ATF2: variants seen among roughly 807,000 people sequenced by gnomAD.
ATF2 encodes the protein activating transcription factor 2, also known as cyclic AMP-dependent transcription factor ATF-2.
Under a neutral mutation model 60.6 loss-of-function variants are expected in ATF2, and 24 were observed. The observed-to-expected ratio is 0.40, with a 90% CI of 0.29 to 0.56. ATF2 has a LOEUF of 0.56. Ranked by LOEUF, ATF2 falls within the 20% of genes least tolerant of loss-of-function variation. ATF2 has a pLI of 0.54. For missense variants in ATF2, 433 were observed against 607.7 expected (o/e 0.71, Z 3.02); for synonymous variants, 206 against 215.4 (o/e 0.96, Z 0.38).
In ATF2 at chr2:175,114,479, T is replaced by C. The variant is rs1696411135; in HGVS notation, c.626+211A>G. 9 of 1,268,430 alleles carry C rather than the reference T, an allele frequency of 7.1e-6. No homozygotes were observed. In the South Asian group the frequency reaches 2.4e-4, roughly 34 times the overall value. 78.6% of individuals were successfully genotyped at this position (1,268,430 alleles called of 1,614,324 possible). On this transcript the variant is annotated intron_variant, in intron 8 of 13. Coordinates refer to ENST00000264110, the MANE Select transcript of ATF2 (RefSeq NM_001880.4). ...AAATAAGACTATCTTAAATTCACAT[T>C]CTATATTTGTTTTTAGTTGTATTTA... is the stretch of plus-strand genomic sequence containing the variant.
chr2:175,122,442 G>A (rs1697028725), intron 4 of ATF2, among the ~76,000 whole-genome samples: 1 of 151,926 alleles, frequency 6.6e-6, no homozygotes, highest in African/African-American at 2.4e-5. Context: ...TACAAGTGAG[G>A]ATGTTAAAAT....
intron 2 of ATF2, among the ~76,000 whole-genome samples, chr2:175,143,685 T>C (rs1213708565): frequency 6.6e-6 from 1 of 152,030 alleles, no homozygotes; most frequent in Non-Finnish European, 1.5e-5. Context: ...GTCATATTAG[T>C]AAAAAAAACT....
At chr2:175,105,668 G>A (rs1269361133) in intron 10 of ATF2, among the ~76,000 whole-genome samples, 1 of 152,152 alleles carries the variant, frequency 6.6e-6, no homozygotes, top group Non-Finnish European at 1.5e-5. Flanking sequence ...GACATTTTAA[G>A]TTACCAGTTC....
At chr2:175,076,934 C>T (rs1031734220) in intron 13 of ATF2, among the ~76,000 whole-genome samples, 7 of 149,230 alleles carry the variant, frequency 4.7e-5, no homozygotes, top group African/African-American at 1.7e-4. Flanking sequence ...TCTCCCAATG[C>T]TATCCCTCCC....
chr2:175,100,653 C>T (rs549714694), intron 10 of ATF2, among the ~76,000 whole-genome samples: 1 of 152,232 alleles, frequency 6.6e-6, no homozygotes. Context: ...CCCTGGCATG[C>T]GTATACTGGT....
intron 12 of ATF2, 91 bp downstream of exon 12, chr2:175,092,970 A>G: frequency 7.3e-7 from 1 of 1,367,990 alleles, no homozygotes; most frequent in South Asian, 1.3e-5. Flanking sequence ...TCATGTCCTA[A>G]AATGTTTGGA....
intron 3 of ATF2, among the ~76,000 whole-genome samples, chr2:175,134,867 G>C (rs1453693556): frequency 6.6e-6 from 1 of 151,672 alleles, no homozygotes; most frequent in Non-Finnish European, 1.5e-5. Context: ...GTAGCGTCAT[G>C]GTGGTGTACA....
intron 2 of ATF2, among the ~76,000 whole-genome samples, chr2:175,139,283 G>C (rs929550718): frequency 6.6e-6 from 1 of 152,152 alleles, no homozygotes; most frequent in African/African-American, 2.4e-5. Flanking sequence ...TAAAAAAACT[G>C]TAATTTGTAA....
intron 3 of ATF2, among the ~76,000 whole-genome samples, chr2:175,135,836 A>G (rs758408293): frequency 2.5e-4 from 38 of 152,174 alleles, no homozygotes; most frequent in Non-Finnish European, 5.3e-4. Context: ...TATAGCAAAT[A>G]TATTTGACTC....
chr2:175,167,219 A>G (rs1053507303), intron 1 of ATF2, among the ~76,000 whole-genome samples: 1 of 152,132 alleles, frequency 6.6e-6, no homozygotes, highest in Non-Finnish European at 1.5e-5. Context: ...ACGAGCGAAC[A>G]TAGAAAACAC....
At chr2:175,084,416 T>TTC (rs1160832003) in intron 12 of ATF2, among the ~76,000 whole-genome samples, 1 of 144,748 alleles carries the variant, frequency 6.9e-6, no homozygotes, top group African/African-American at 2.6e-5. Flanking sequence ...ACACCACATG[T>TTC]TCTCACTCAT....
chr2:175,162,262 TATG>T (rs1451015991), intron 1 of ATF2, among the ~76,000 whole-genome samples: 1 of 152,258 alleles, frequency 6.6e-6, no homozygotes, highest in Non-Finnish European at 1.5e-5. Context: ...ATAACTATAG[TATG>T]ATATGGCCAA....
intron 11 of ATF2, among the ~76,000 whole-genome samples, chr2:175,096,746 T>G (rs1574353114): frequency 6.6e-6 from 1 of 152,284 alleles, no homozygotes; most frequent in South Asian, 2.1e-4. Flanking sequence ...AAAAAGATTC[T>G]TTAGAAATCT....
In ATF2 at chr2:175,114,703, T is replaced by C; in HGVS notation, c.613A>G (p.Asn205Asp). The change falls in exon 8 of 14, where the codon AAC becomes GAC. Residue 205 changes from asparagine to aspartate, a missense_variant. Asn to Asp is a conservative substitution (Grantham distance 23). Coordinates refer to ENST00000264110, the MANE Select transcript of ATF2 (RefSeq NM_001880.4). ...TGAATCACTTACACAATTGGCCTGTTAGAGGATGGTGCCTGGGTGATTACA... is the reference window on the plus strand; with the variant it reads ...TGAATCACTTACACAATTGGCCTGTCAGAGGATGGTGCCTGGGTGATTACA... ...STVITQAPSS[N>D]RPIVPVPGPF... 1 of 1,613,652 alleles carries C rather than the reference T, an allele frequency of 6.2e-7. No homozygotes were observed. The highest frequency in any genetic ancestry group is 8.5e-7 in the Non-Finnish European group (1 of 1,179,666).
intron 1 of ATF2, among the ~76,000 whole-genome samples, chr2:175,165,533 T>C (rs1700296758): frequency 6.6e-6 from 1 of 152,228 alleles, no homozygotes; most frequent in South Asian, 2.1e-4. Context: ...ACATTATTTT[T>C]TGAAGAGTTA....
intron 13 of ATF2, among the ~76,000 whole-genome samples, chr2:175,078,687 A>G (rs1028739688): frequency 1.3e-5 from 2 of 152,188 alleles, no homozygotes; most frequent in Admixed American, 1.3e-4. Context: ...ATGTTTTTAA[A>G]GATTTAGCTA....
intron 12 of ATF2, among the ~76,000 whole-genome samples, chr2:175,090,690 A>G (rs1005162901): frequency 6.6e-6 from 1 of 152,158 alleles, no homozygotes; most frequent in Non-Finnish European, 1.5e-5. Context: ...TCAAATGTAG[A>G]GCTTAATTTA....
At position 175,123,641 on chromosome 2, in the gene ATF2, A is replaced by C. The variant is rs192905552; in HGVS notation, c.103-2101T>G. 2.6e-4 allele frequency among the ~76,000 whole-genome samples: 39 copies of C among 152,198 alleles called. 1 individual carries two copies. Among genetic ancestry groups the C allele is most frequent in the African/African-American group, 9.4e-4 (39 of 41,564 alleles). ...CCAAGTTCAATCCTAAGTGTAAAGA[A>C]GTGGCCAGAAGCAACCTAACAAATA... is the stretch of plus-strand genomic sequence containing the variant. On this transcript the variant is annotated intron_variant, in intron 4 of 13. Transcript: ENST00000264110.
chr2:175,114,598 T>A, intron 8 of ATF2, 92 bp downstream of exon 8: 1 of 1,525,066 alleles, frequency 6.6e-7, no homozygotes, highest in Non-Finnish European at 8.8e-7. Flanking sequence ...AAAACTAAGA[T>A]CTTAGTTTGA....
Sources: gnomAD v4.1 joint callset for allele counts (sites outside exome capture counted in the v4.1 genomes callset) on GRCh38, gnomAD v4.1.1 for gene constraint, MANE v1.5 for transcripts, NCBI Gene and HGNC (gene_info 2026-07-23, HGNC 2026-07-21) for gene names.